PURG: variants seen among roughly 807,000 people sequenced by gnomAD.
PURG encodes purine-rich element-binding protein gamma.
Under a neutral mutation model 24.3 loss-of-function variants are expected in PURG, and 3 were observed. The ratio of observed to expected loss-of-function variants is 0.12; its 90% confidence interval spans 0.06 to 0.32. PURG has a LOEUF of 0.32. Ranked by LOEUF, PURG falls within the 10% of genes least tolerant of loss-of-function variation. The pLI is 1.00. For missense variants in PURG, 371 were observed against 439.1 expected (o/e 0.84, Z 1.39); for synonymous variants, 180 against 173.1 (o/e 1.04, Z -0.31).
chr8:31,008,451 G>C (rs575980990), intron 1 of PURG, among the ~76,000 whole-genome samples: 1 of 152,018 alleles, frequency 6.6e-6, no homozygotes. Context: ...TTACAGCTGC[G>C]TGCCACCACG....
intron 1 of PURG, among the ~76,000 whole-genome samples, chr8:31,013,449 G>C (rs1810799687): frequency 6.6e-6 from 1 of 152,144 alleles, no homozygotes; most frequent in South Asian, 2.1e-4. Context: ...ACCATATAAA[G>C]GTTCCTGGCC....
intron 1 of PURG, 31 bp downstream of exon 1, chr8:31,033,047 G>A: frequency 5.3e-6 from 1 of 189,710 alleles, no homozygotes; most frequent in Non-Finnish European, 1.1e-5. Flanking sequence ...CGCGCTCCGC[G>A]GCCCCAGGTC....
rs1811297379 is a variant in PURG, at chr8:31,033,266, CGCCCCTCCTGCG to C, written c.-207_-196del. The C allele has an allele frequency of 6.0e-6, 1 of 166,114 alleles. No individual in the cohort carries two copies. Among genetic ancestry groups the C allele is most frequent in the African/African-American group, 2.4e-5 (1 of 41,422 alleles). 10.3% of individuals were successfully genotyped at this position (166,114 alleles called of 1,614,324 possible). The stretch of plus-strand genomic sequence containing the variant: ...CATCGCCCGCGGCGCCCACCGCAGC[CGCCCCTCCTGCG>C]GCCGCTGCGGGGGCCGCCGCCTGAC... On this transcript the variant is annotated 5_prime_UTR_variant, in exon 1 of 2. Transcript: ENST00000523392.
chr8:31,033,148 C>T lies in PURG; in HGVS notation c.-77G>A. 4.6e-6 allele frequency: 1 copy of T among 219,690 alleles called. No homozygotes were observed. Among genetic ancestry groups the T allele is most frequent in the Non-Finnish European group, 8.8e-6 (1 of 113,412 alleles). The allele number at this position is 219,690 out of a possible 1,614,324, so 13.6% of individuals were successfully genotyped here. A position where few individuals can be genotyped will look rare whatever the true frequency, so the allele number is the denominator to read the frequency against. ...CGCCGCCGCCACCGCCAGCTCTCGG[C>T]CCCTCTGCTGCAGCCGCCGCAGCCG... On this transcript the variant is annotated 5_prime_UTR_variant, in exon 1 of 2. Coordinates refer to ENST00000523392, the MANE Select transcript of PURG (RefSeq NM_001323311.2).
At chr8:30,997,709 T>C (rs1196327405) in intron 1 of PURG, among the ~76,000 whole-genome samples, 1 of 151,796 alleles carries the variant, frequency 6.6e-6, no homozygotes, top group Non-Finnish European at 1.5e-5. Context: ...AATTTTCTGT[T>C]GAAAAAATTT....
intron 1 of PURG, among the ~76,000 whole-genome samples, chr8:31,010,839 T>C (rs528945728): frequency 9.5e-4 from 145 of 152,342 alleles, no homozygotes; most frequent in African/African-American, 3.2e-3. Flanking sequence ...TAAATTATTA[T>C]AATTTAAAAT....
intron 1 of PURG, among the ~76,000 whole-genome samples, chr8:31,021,232 A>G (rs191592426): frequency 6.6e-6 from 1 of 152,292 alleles, no homozygotes; most frequent in Admixed American, 6.5e-5. Flanking sequence ...GATAAGATTT[A>G]TTTTGAAACT....
chr8:31,019,992 A>G (rs1810963371), intron 1 of PURG, among the ~76,000 whole-genome samples: 1 of 151,916 alleles, frequency 6.6e-6, no homozygotes, highest in Non-Finnish European at 1.5e-5. Flanking sequence ...CCAACATGGC[A>G]AAACCCTGTT....
intron 1 of PURG, among the ~76,000 whole-genome samples, chr8:31,013,657 A>T (rs1354648765): frequency 6.6e-6 from 1 of 152,214 alleles, no homozygotes; most frequent in Admixed American, 6.5e-5. Context: ...GAATCACTTG[A>T]ACCCAGGAGG....
At chr8:31,019,805 A>G (rs551719750) in intron 1 of PURG, among the ~76,000 whole-genome samples, 4 of 148,576 alleles carry the variant, frequency 2.7e-5, no homozygotes, top group Non-Finnish European at 5.9e-5. Context: ...TGCTGGGAGT[A>G]CAGGCGTGAG....
intron 1 of PURG, among the ~76,000 whole-genome samples, chr8:30,999,770 AGGAGAT>A (rs1810499251): frequency 6.6e-6 from 1 of 152,038 alleles, no homozygotes; most frequent in African/African-American, 2.4e-5. Flanking sequence ...AATATAATCA[AGGAGAT>A]GATACTTTCT....
chr8:31,012,667 T>A (rs1037185692), intron 1 of PURG, among the ~76,000 whole-genome samples: 1 of 152,208 alleles, frequency 6.6e-6, no homozygotes, highest in African/African-American at 2.4e-5. Context: ...ATCACTCTGA[T>A]CCAATTCCCT....
chr8:31,026,637 A>AATATATAT (rs397791712), downstream of PURG, among the ~76,000 whole-genome samples: 99 of 128,648 alleles, frequency 7.7e-4, no homozygotes, highest in African/African-American at 2.0e-3. Context: ...TTTTAAAAAG[A>AATATATAT]ATATATATAT....
chr8:30,999,142 T>G (rs1266685202), intron 1 of PURG, among the ~76,000 whole-genome samples: 1 of 151,836 alleles, frequency 6.6e-6, no homozygotes, highest in Non-Finnish European at 1.5e-5. Flanking sequence ...GTCTTGTCAT[T>G]TCTCTTTAGG....
chr8:31,025,610 G>C (rs538916587), intron 1 of PURG, among the ~76,000 whole-genome samples: 1 of 150,908 alleles, frequency 6.6e-6, no homozygotes, highest in East Asian at 2.0e-4. Flanking sequence ...TTCATAATTA[G>C]ATAGCATCTT....
chr8:31,032,784 T>C lies in PURG; in HGVS notation c.-2A>G. Reference sequence around the variant, plus strand: ...TCCCCTTCGCCTGGCTCTTTCCATCTTCAGCTGCAAGTAACAAACAGACAC... The same window carrying C: ...TCCCCTTCGCCTGGCTCTTTCCATCCTCAGCTGCAAGTAACAAACAGACAC... On this transcript the variant is annotated 5_prime_UTR_variant, in exon 2 of 2. Transcript: ENST00000523392. The surrounding 1 kb of genome is among the most constrained non-coding windows in gnomAD (Gnocchi z 5.9). 1.4e-6 allele frequency: 2 copies of C among 1,422,358 alleles called. No individual in the cohort carries two copies. Among genetic ancestry groups the C allele is most frequent in the Non-Finnish European group, 9.2e-7 (1 of 1,084,940 alleles). 88.1% of individuals were successfully genotyped at this position (1,422,358 alleles called of 1,614,324 possible).
chr8:31,027,219 A>G (rs1041424903), downstream of PURG, among the ~76,000 whole-genome samples: 2 of 151,736 alleles, frequency 1.3e-5, no homozygotes, highest in Non-Finnish European at 3.0e-5. Flanking sequence ...ATTATTCTGT[A>G]GGCATAGAAT....
intron 1 of PURG, among the ~76,000 whole-genome samples, chr8:30,998,512 C>T (rs1247890243): frequency 6.6e-6 from 1 of 151,628 alleles, no homozygotes; most frequent in East Asian, 1.9e-4. Context: ...AGTTTGATAG[C>T]ATATGGAGTT....
At chr8:31,003,316 G>A (rs964129746) in intron 1 of PURG, among the ~76,000 whole-genome samples, 4 of 152,122 alleles carry the variant, frequency 2.6e-5, no homozygotes, top group Non-Finnish European at 4.4e-5. Context: ...TTTCAAGAAC[G>A]GGAATAATCT....
Sources: allele counts gnomAD v4.1 joint callset (sites outside exome capture counted in the v4.1 genomes callset), GRCh38; gene constraint gnomAD v4.1.1; non-coding constraint Gnocchi (gnomAD v3.1); transcripts MANE v1.5; gene names NCBI Gene and HGNC (gene_info 2026-07-23, HGNC 2026-07-21).